The following NAV1 variants were observed in gnomAD, a reference collection of about 807,000 sequenced individuals.
NAV1 encodes pore membrane and/or filament interacting like protein 3.
In NAV1, 18 loss-of-function variants were observed where a neutral mutation model predicts 175.2. That is an observed-to-expected ratio of 0.10 (90% CI 0.07 to 0.15). NAV1 has a LOEUF of 0.15. Among genes scored for constraint, NAV1 ranks in the 10% least tolerant of loss-of-function variants. The pLI, the probability that NAV1 is intolerant of heterozygous loss-of-function variation, is 1.00. For synonymous variants in NAV1, 897 were observed against 978.7 expected, an observed-to-expected ratio of 0.92 and a Z score of 1.56; for missense variants, 1,731 against 2,436.6, an observed-to-expected ratio of 0.71 and a Z score of 6.10.
intron 1 of NAV1, among the ~76,000 whole-genome samples, chr1:201,570,377 C>T (rs1321892212): frequency 1.3e-5 from 2 of 152,230 alleles, no homozygotes; most frequent in South Asian, 2.1e-4. Context: ...ATCTGGTCAC[C>T]ACCCCCAACC....
At chr1:201,785,423 C>A in intron 8 of NAV1, 72 bp downstream of exon 12, 5 of 1,461,120 alleles carry the variant, frequency 3.4e-6, no homozygotes, top group Non-Finnish European at 4.7e-6. Flanking sequence ...ATATCTCAAC[C>A]TGTCCAAGGC....
intron 1 of NAV1, among the ~76,000 whole-genome samples, chr1:201,677,460 C>G (rs1223905498): frequency 1.3e-5 from 2 of 152,006 alleles, no homozygotes; most frequent in African/African-American, 4.8e-5. Flanking sequence ...GCCCAATGTC[C>G]CTTCCTCCTG....
intron 20 of NAV1, 50 bp from the exon 25 acceptor site, chr1:201,809,114 A>C (rs189405486): frequency 6.4e-7 from 1 of 1,564,316 alleles, no homozygotes; most frequent in Non-Finnish European, 8.8e-7. Flanking sequence ...AAAGTTTAGG[A>C]AAGGCTGCGG....
chr1:201,543,011 T>C (rs1037765813), intron 1 of NAV1, among the ~76,000 whole-genome samples: 19 of 152,260 alleles, frequency 1.2e-4, no homozygotes, highest in Non-Finnish European at 2.1e-4. Context: ...TTAGCTCTAG[T>C]AGCTTTTTTG....
intron 1 of NAV1, among the ~76,000 whole-genome samples, chr1:201,703,231 C>T (rs1671518068): frequency 6.6e-6 from 1 of 152,184 alleles, no homozygotes; most frequent in Non-Finnish European, 1.5e-5. Flanking sequence ...TTCAGTAAAC[C>T]TTGAGGTTCA....
chr1:201,709,950 G>A (rs964971100), intron 1 of NAV1, among the ~76,000 whole-genome samples: 7 of 152,142 alleles, frequency 4.6e-5, no homozygotes, highest in South Asian at 2.1e-4. Flanking sequence ...GTGGTTTGGC[G>A]ACTCTGGGAG....
At chr1:201,650,619 C>A (rs1315995457) in intron 1 of NAV1, among the ~76,000 whole-genome samples, 4 of 152,324 alleles carry the variant, frequency 2.6e-5, no homozygotes, top group Admixed American at 2.0e-4. Context: ...AAGAGCTCGC[C>A]GGGCGGCCCT....
intron 29 of NAV1, 161 bp downstream of exon 33, chr1:201,817,446 G>C: frequency 1.6e-6 from 1 of 623,510 alleles, no homozygotes; most frequent in South Asian, 2.2e-5. Context: ...GACCCTGTCT[G>C]TATTTCAAAA....
chr1:201,808,523 G>A lies in NAV1; in HGVS notation c.3951G>A (p.Lys1317=). The A allele has an allele frequency of 6.2e-7, 1 of 1,614,262 alleles. No homozygotes were observed. The highest frequency in any genetic ancestry group is 8.5e-7 in the Non-Finnish European group (1 of 1,180,040). ...AGCTGCGCTCTGAGCTATGGGAGAA[G>A]GAAATGAAGCTTACAGACATCCGCT... The change falls in exon 19 of 30, where the codon AAG becomes AAA. Residue 1317 remains lysine (K), a synonymous_variant. Coordinates refer to ENST00000367296, the Ensembl canonical transcript of NAV1. This position sits in a 1 kb window ranked among gnomAD's most constrained non-coding sequence, Gnocchi z 5.5.
chr1:201,772,471 G>A (rs1435191901), intron 3 of NAV1, among the ~76,000 whole-genome samples: 1 of 152,132 alleles, frequency 6.6e-6, no homozygotes. Context: ...AGGAATCCTG[G>A]GGAACATAGG....
chr1:201,582,336 CCA>C (rs1237597772), intron 1 of NAV1, among the ~76,000 whole-genome samples: 1 of 152,184 alleles, frequency 6.6e-6, no homozygotes. Context: ...GAAGCAGCTG[CCA>C]CTCCCAGGCA....
At chr1:201,739,646 G>A in intron 3 of NAV1, 1 of 331,240 alleles carries the variant, frequency 3.0e-6, no homozygotes, top group Non-Finnish European at 4.5e-6. Context: ...TTTCGGAGCA[G>A]CCCAGGTGGA....
chr1:201,656,665 A>C (rs1309096902), intron 1 of NAV1, among the ~76,000 whole-genome samples: 2 of 152,224 alleles, frequency 1.3e-5, no homozygotes, highest in African/African-American at 4.8e-5. Flanking sequence ...GTGTGCAGTG[A>C]ATGGCATGTG....
chr1:201,776,961 C>G (rs940636327), intron 3 of NAV1, among the ~76,000 whole-genome samples: 1 of 151,966 alleles, frequency 6.6e-6, no homozygotes, highest in East Asian at 1.9e-4. Context: ...AAAAACAGGT[C>G]ACATACAAGG....
At chr1:201,751,468 A>ACTC (rs1240993589) in intron 3 of NAV1, among the ~76,000 whole-genome samples, 3 of 152,196 alleles carry the variant, frequency 2.0e-5, no homozygotes, top group African/African-American at 7.2e-5. Flanking sequence ...AGAGGCACAT[A>ACTC]ATGGGTATGA....
At chr1:201,599,960 G>A (rs1162297935) in intron 2 of NAV1, among the ~76,000 whole-genome samples, 2 of 152,184 alleles carry the variant, frequency 1.3e-5, no homozygotes, top group Non-Finnish European at 2.9e-5. Context: ...CAAAAATAGG[G>A]GCTGAGTTTT....
Position 201,803,646 on chromosome 1 carries a change from A to G in NAV1, c.3571A>G (p.Ile1191Val), listed in dbSNP as rs1249394902. Residue 1191 changes from isoleucine (I) to valine (V), a missense_variant, in exon 16 of 30, where the codon ATC becomes GTC. Transcript: ENST00000367296. Reference sequence around the variant, plus strand: ...AGATAGCATCTCAAGCCTCAACAGCATCACTAGCCATTCCAGCATCGGCAG... The same window carrying G: ...AGATAGCATCTCAAGCCTCAACAGCGTCACTAGCCATTCCAGCATCGGCAG... 6 of 1,613,908 alleles carry G rather than the reference A, an allele frequency of 3.7e-6. No individual in the cohort carries two copies. The East Asian group carries it at 1.3e-4, about 36-fold the overall frequency.
At chr1:201,661,658 A>T (rs771420827) in intron 1 of NAV1, among the ~76,000 whole-genome samples, 20 of 152,086 alleles carry the variant, frequency 1.3e-4, no homozygotes, top group Admixed American at 2.6e-4. Flanking sequence ...ACTGGATGAG[A>T]TGCTGCATGG....
intron 1 of NAV1, among the ~76,000 whole-genome samples, chr1:201,659,293 G>T (rs1669520075): frequency 6.6e-6 from 1 of 152,166 alleles, no homozygotes; most frequent in South Asian, 2.1e-4. Flanking sequence ...AGTTGGGGAG[G>T]AATTTAAAGG....
Sources: gnomAD v4.1 joint callset for allele counts (sites outside exome capture counted in the v4.1 genomes callset) on GRCh38, gnomAD v4.1.1 for gene constraint, Gnocchi (gnomAD v3.1) non-coding constraint, MANE v1.5 for transcripts, NCBI Gene and HGNC (gene_info 2026-07-23, HGNC 2026-07-21) for gene names.